Variants in XAF1 observed in about 807,000 individuals in gnomAD.
XAF1 encodes the protein XIAP associated factor 1.
In XAF1, 32 loss-of-function variants were observed where a neutral mutation model predicts 32.3. The ratio of observed to expected loss-of-function variants is 0.99; its 90% confidence interval spans 0.75 to 1.33. XAF1 has a LOEUF of 1.33. Ranked by LOEUF, XAF1 falls within the 40% of genes most tolerant of loss-of-function variation. XAF1 has a pLI of 0.00. For synonymous variants in XAF1, 120 were observed against 125.9 expected (o/e 0.95, Z 0.31); for missense variants, 379 against 366.0 (o/e 1.04, Z -0.29).
At chr17:6,767,292 C>G (rs934192694) in intron 5 of XAF1, among the ~76,000 whole-genome samples, 1 of 152,106 alleles carries the variant, frequency 6.6e-6, no homozygotes, top group Non-Finnish European at 1.5e-5. Flanking sequence ...TCCCCAGATA[C>G]AACAGTTGTT....
chr17:6,761,173 C>A (rs945417371), intron 4 of XAF1, among the ~76,000 whole-genome samples: 1 of 151,926 alleles, frequency 6.6e-6, no homozygotes, highest in Admixed American at 6.6e-5. Flanking sequence ...AAGGGGGGGA[C>A]CATGGGGAGT....
chr17:6,755,599 C>G (rs1045177464), upstream of XAF1: 1 of 1,011,436 alleles, frequency 9.9e-7, no homozygotes, highest in Admixed American at 5.1e-5. Context: ...AAGGTCCTCA[C>G]CGCCTGGAAG....
chr17:6,760,037 G>C (rs966692940), intron 3 of XAF1, among the ~76,000 whole-genome samples: 1 of 152,174 alleles, frequency 6.6e-6, no homozygotes, highest in Non-Finnish European at 1.5e-5. Context: ...ACAAGTCCTT[G>C]ATCTGCCTAC....
At chr17:6,772,768 G>A in intron 6 of XAF1, 2 of 199,500 alleles carry the variant, frequency 1.0e-5, no homozygotes, top group Non-Finnish European at 2.0e-5. Flanking sequence ...ACCACGCCCA[G>A]CAACATTTCT....
intron 1 of XAF1, among the ~76,000 whole-genome samples, chr17:6,756,986 CTTCTTCTTTTTT>C (rs1187154548): frequency 2.3e-5 from 3 of 129,928 alleles, no homozygotes; most frequent in African/African-American, 7.6e-5. Flanking sequence ...TTCTTTCTTT[CTTCTTCTTTTTT>C]TTTTTTTTTT....
At chr17:6,768,057 T>G (rs1975746106) in intron 5 of XAF1, among the ~76,000 whole-genome samples, 1 of 152,202 alleles carries the variant, frequency 6.6e-6, no homozygotes, top group South Asian at 2.1e-4. Context: ...ATTATTGTTG[T>G]TATTTATGTA....
intron 4 of XAF1, 193 bp from the exon 5 acceptor site, chr17:6,761,962 G>A (rs967027279): frequency 1.2e-5 from 19 of 1,528,088 alleles, no homozygotes; most frequent in African/African-American, 4.1e-5. Flanking sequence ...GGCCATAAAG[G>A]AAATGATGTG....
At chr17:6,757,008 T>A (rs1021474263) in intron 1 of XAF1, among the ~76,000 whole-genome samples, 13 of 141,598 alleles carry the variant, frequency 9.2e-5, no homozygotes, top group Admixed American at 8.5e-4. Context: ...TTTTTTTTTT[T>A]AAGATGGAGT....
At chr17:6,768,442 C>T (rs1173808022) in intron 5 of XAF1, among the ~76,000 whole-genome samples, 2 of 152,106 alleles carry the variant, frequency 1.3e-5, no homozygotes, top group African/African-American at 4.8e-5. Context: ...CACAAGTTTA[C>T]CCTTCTCTTT....
intron 5 of XAF1, among the ~76,000 whole-genome samples, chr17:6,768,662 G>A (rs1259063573): frequency 6.6e-6 from 1 of 152,136 alleles, no homozygotes; most frequent in Non-Finnish European, 1.5e-5. Flanking sequence ...TCATTTTGAA[G>A]ATTATTCCAC....
chr17:6,762,757 G>A (rs768344408), intron 5 of XAF1, among the ~76,000 whole-genome samples: 3 of 152,190 alleles, frequency 2.0e-5, no homozygotes, highest in Non-Finnish European at 4.4e-5. Flanking sequence ...CCTAAGCGCC[G>A]TTTAGTGCAT....
In XAF1 at chr17:6,769,843, T is replaced by G. The variant is rs117132225; in HGVS notation, c.508-800T>G. 9.8e-3 allele frequency among the ~76,000 whole-genome samples: 1,493 copies of G among 152,320 alleles called. 14 individuals carry two copies. Among genetic ancestry groups the G allele is most frequent in the Non-Finnish European group, 0.015 (995 of 68,032 alleles). ...GGCATGGACCTGTGATTTTGAGTTT[T>G]CAGGGGCATAAGTTTTCATCTCCAC... On this transcript the variant is annotated intron_variant, in intron 5 of 6. Transcript: ENST00000361842.
chr17:6,755,642 G>C (rs1237118143), upstream of XAF1: 3 of 1,027,080 alleles, frequency 2.9e-6, no homozygotes, highest in Non-Finnish European at 3.5e-6. Context: ...CAGCATTCAA[G>C]CTCAACATGG....
At chr17:6,765,054 T>A (rs1367422405) in intron 5 of XAF1, among the ~76,000 whole-genome samples, 3 of 152,174 alleles carry the variant, frequency 2.0e-5, no homozygotes, top group African/African-American at 7.2e-5. Context: ...GGGCTTAGTC[T>A]CTGGTCTCTT....
chr17:6,762,409 C>T (rs550313314), intron 5 of XAF1, among the ~76,000 whole-genome samples, 169 bp downstream of exon 5: 1 of 152,272 alleles, frequency 6.6e-6, no homozygotes, highest in East Asian at 1.9e-4. Context: ...CTTGCTTAGG[C>T]TAATCAAGCA....
At chr17:6,756,483 G>A (rs1375035713) in intron 1 of XAF1, among the ~76,000 whole-genome samples, 4 of 151,862 alleles carry the variant, frequency 2.6e-5, no homozygotes, top group South Asian at 2.1e-4. Flanking sequence ...AGTGTCCCAC[G>A]GAGATTCTCC....
chr17:6,769,467 G>A lies in XAF1; in HGVS notation c.508-1176G>A, dbSNP rs572928349. On this transcript the variant is annotated intron_variant, in intron 5 of 6. Transcript: ENST00000361842. The stretch of plus-strand genomic sequence containing the variant: ...CAAATTTACCTGTTCTGTTTTTCAT[G>A]AGATGTTATTCTTTTCCCAGATTTA... 2.6e-5 allele frequency among the ~76,000 whole-genome samples: 4 copies of A among 152,114 alleles called. No homozygotes were observed. The South Asian group carries it at 8.3e-4, about 32-fold the overall frequency.
At chr17:6,761,870 C>T (rs1209803808) in intron 4 of XAF1, 2 of 1,437,014 alleles carry the variant, frequency 1.4e-6, no homozygotes, top group Non-Finnish European at 1.8e-6. Flanking sequence ...GGCTACAGCT[C>T]CATTCATCTC....
chr17:6,760,713 G>T, intron 4 of XAF1, 112 bp downstream of exon 4: 4 of 1,102,356 alleles, frequency 3.6e-6, no homozygotes, highest in Non-Finnish European at 5.1e-6. Flanking sequence ...TGTATTTGCT[G>T]TATAGATCTC....
Sources: gnomAD v4.1 joint callset for allele counts (sites outside exome capture counted in the v4.1 genomes callset) on GRCh38, gnomAD v4.1.1 for gene constraint, MANE v1.5 for transcripts, NCBI Gene and HGNC (gene_info 2026-07-23, HGNC 2026-07-21) for gene names.